The following MTUS2 variants were observed in gnomAD, a reference collection of about 807,000 sequenced individuals.
The protein encoded by MTUS2 is microtubule associated scaffold protein 2.
A neutral mutation model predicts 114.1 loss-of-function variants in MTUS2; 40 were observed. The ratio of observed to expected loss-of-function variants is 0.35; its 90% CI spans 0.27 to 0.46. MTUS2 has a LOEUF of 0.46. Ranked by LOEUF, MTUS2 falls within the 20% of genes least tolerant of loss-of-function variation. The probability of loss-of-function intolerance (pLI) is 1.00; values close to 1 mark genes in which losing one functional copy is unlikely to be tolerated. For synonymous variants in MTUS2, 688 were observed against 672.0 expected (o/e 1.02, Z -0.37); for missense variants, 1,679 against 1,705.4 (o/e 0.98, Z 0.27).
At chr13:29,494,712 A>G (rs1057064564) in intron 12 of MTUS2, among the ~76,000 whole-genome samples, 1 of 152,052 alleles carries the variant, frequency 6.6e-6, no homozygotes, top group Non-Finnish European at 1.5e-5. Context: ...TTTGCATTTC[A>G]TGGCACTGTG....
Position 29,488,009 on chromosome 13 carries a change from G to C in MTUS2, c.3505+4G>C, listed in dbSNP as rs372944084. The C allele has an allele frequency of 1.2e-6, 2 of 1,610,794 alleles. No individual in the cohort carries two copies. The highest frequency in any genetic ancestry group is 1.7e-6 in the Non-Finnish European group (2 of 1,177,322). ...GACCACGACCACAAAGTCCAAGGTAGCTCCCAGCCTCGTGTGCAGCAGGCA... is the reference window on the plus strand; with the variant it reads ...GACCACGACCACAAAGTCCAAGGTACCTCCCAGCCTCGTGTGCAGCAGGCA... On this transcript the variant is annotated splice_donor_region_variant and intron_variant, in intron 11 of 15. Transcript: ENST00000612955.
chr13:29,489,502 T>A (rs969502436), intron 11 of MTUS2: 6 of 152,224 alleles, frequency 3.9e-5, no homozygotes, highest in African/African-American at 4.8e-5. Flanking sequence ...TCCTGGGGAC[T>A]AGTTAAATGG....
At chr13:29,331,952 T>C (rs1400146794) in intron 7 of MTUS2, among the ~76,000 whole-genome samples, 1 of 152,220 alleles carries the variant, frequency 6.6e-6, no homozygotes, top group African/African-American at 2.4e-5. Flanking sequence ...TCTATGGGGT[T>C]CAGTTTGCCA....
intron 2 of MTUS2, among the ~76,000 whole-genome samples, chr13:28,899,496 G>T (rs1255003050): frequency 5.3e-5 from 8 of 152,112 alleles, no homozygotes; most frequent in South Asian, 4.2e-4. Context: ...TGCAAGCTCC[G>T]CCTCCCAGGT....
At chr13:29,231,475 T>A (rs780898379) in intron 5 of MTUS2, among the ~76,000 whole-genome samples, 1 of 152,220 alleles carries the variant, frequency 6.6e-6, no homozygotes, top group Non-Finnish European at 1.5e-5. Flanking sequence ...AAATAATTTA[T>A]CTTTTCATGC....
intron 6 of MTUS2, among the ~76,000 whole-genome samples, chr13:29,299,707 AAAGCTAGAGGTTTCTC>A (rs1899109366): frequency 6.6e-6 from 1 of 152,206 alleles, no homozygotes; most frequent in African/African-American, 2.4e-5. Context: ...GTTTCTTTGT[AAAGCTAGAGGTTTCTC>A]AAGCCTTGCT....
intron 2 of MTUS2, among the ~76,000 whole-genome samples, chr13:28,909,915 TAGTA>T (rs1380776689): frequency 2.6e-5 from 4 of 152,190 alleles, no homozygotes; most frequent in African/African-American, 9.7e-5. Flanking sequence ...TGTGGGTGCA[TAGTA>T]AGTATATATA....
chr13:29,265,952 G>A (rs1419973639), intron 5 of MTUS2, among the ~76,000 whole-genome samples: 2 of 152,116 alleles, frequency 1.3e-5, no homozygotes, highest in Non-Finnish European at 2.9e-5. Flanking sequence ...CGGACTTAGG[G>A]TGCTGAGTAA....
chr13:28,891,029 G>A (rs1461593205), intron 2 of MTUS2, among the ~76,000 whole-genome samples: 1 of 152,158 alleles, frequency 6.6e-6, no homozygotes, highest in Non-Finnish European at 1.5e-5. Flanking sequence ...CTCTTCATCA[G>A]CCCTACAAAG....
intron 6 of MTUS2, 93 bp from the exon 7 acceptor site, chr13:29,324,520 C>A: frequency 1.1e-6 from 1 of 896,568 alleles, no homozygotes; most frequent in Non-Finnish European, 1.7e-6. Context: ...ATATGTTTGA[C>A]TTTCTTGAAG....
intron 8 of MTUS2, among the ~76,000 whole-genome samples, chr13:29,393,000 C>G (rs931267273): frequency 6.6e-6 from 1 of 152,202 alleles, no homozygotes; most frequent in Non-Finnish European, 1.5e-5. Flanking sequence ...GAAAAGACAT[C>G]TATTTAATTT....
intron 8 of MTUS2, among the ~76,000 whole-genome samples, chr13:29,389,342 C>A: frequency 3.1e-5 from 1 of 32,314 alleles, no homozygotes; most frequent in African/African-American, 1.0e-4. Flanking sequence ...TATATGTATG[C>A]ACGTGTGTGT....
intron 2 of MTUS2, among the ~76,000 whole-genome samples, chr13:28,945,069 A>G (rs1294072380): frequency 6.6e-6 from 1 of 152,116 alleles, no homozygotes; most frequent in East Asian, 1.9e-4. Flanking sequence ...TGAGAAATGC[A>G]GTATTTGACT....
At chr13:29,349,315 ATC>A (rs1869020251) in intron 7 of MTUS2, among the ~76,000 whole-genome samples, 1 of 151,788 alleles carries the variant, frequency 6.6e-6, no homozygotes, top group Non-Finnish European at 1.5e-5. Context: ...GCATATTTCC[ATC>A]TCTCTTCTGG....
intron 5 of MTUS2, among the ~76,000 whole-genome samples, chr13:29,126,836 G>C (rs1040071452): frequency 1.3e-5 from 2 of 152,212 alleles, no homozygotes; most frequent in South Asian, 4.2e-4. Context: ...AAAGTTCACT[G>C]GCCACTTTGT....
At chr13:29,434,889 A>G (rs1877292940) in intron 8 of MTUS2, among the ~76,000 whole-genome samples, 1 of 152,256 alleles carries the variant, frequency 6.6e-6, no homozygotes, top group South Asian at 2.1e-4. Flanking sequence ...AGTGAAAGGC[A>G]ATATCCCCGC....
At chr13:29,117,264 G>C (rs1484121714) in intron 5 of MTUS2, among the ~76,000 whole-genome samples, 1 of 152,110 alleles carries the variant, frequency 6.6e-6, no homozygotes, top group Non-Finnish European at 1.5e-5. Flanking sequence ...ACAGCATTTT[G>C]TGTCTCCCTG....
At chr13:29,063,985 G>A (rs1489068640) in intron 4 of MTUS2, among the ~76,000 whole-genome samples, 3 of 152,174 alleles carry the variant, frequency 2.0e-5, no homozygotes, top group Non-Finnish European at 2.9e-5. Context: ...TCACATTCTG[G>A]CAGAGCTCAG....
chr13:29,413,451 A>G (rs528882020), intron 8 of MTUS2, among the ~76,000 whole-genome samples: 1 of 138,808 alleles, frequency 7.2e-6, no homozygotes, highest in East Asian at 2.1e-4. Flanking sequence ...AAAATTGACA[A>G]ATGGGATCTA....
Sources: gnomAD v4.1 joint callset for allele counts (sites outside exome capture counted in the v4.1 genomes callset) on GRCh38, gnomAD v4.1.1 for gene constraint, MANE v1.5 for transcripts, NCBI Gene and HGNC (gene_info 2026-07-23, HGNC 2026-07-21) for gene names.